The following ARHGAP6 variants were observed in gnomAD, a reference collection of about 807,000 sequenced individuals.
ARHGAP6 encodes the protein Rho GTPase activating protein 6.
ARHGAP6 carries 16 observed loss-of-function variants against 55.7 expected under a neutral mutation model. That is an observed-to-expected ratio of 0.29 (90% CI 0.19 to 0.44). The LOEUF (loss-of-function observed/expected upper bound fraction) is 0.44, where lower values mean the gene tolerates loss of function less well. Among genes scored for constraint, ARHGAP6 ranks in the 20% least tolerant of loss-of-function variants. ARHGAP6 has a pLI of 1.00. For synonymous variants in ARHGAP6, 382 were observed against 360.9 expected, an observed-to-expected ratio of 1.06 and a Z score of -0.66; for missense variants, 698 against 808.9, an observed-to-expected ratio of 0.86 and a Z score of 1.66.
chrX:11,561,976 G>A (rs1256609371), intron 1 of ARHGAP6, among the ~76,000 whole-genome samples: 1 of 112,098 alleles, frequency 8.9e-6, no homozygotes, highest in Non-Finnish European at 1.9e-5. Context: ...AAGCTGCTGG[G>A]GCAGGTGATA....
At chrX:11,242,769 T>G (rs961984415) in intron 2 of ARHGAP6, among the ~76,000 whole-genome samples, 1 of 111,930 alleles carries the variant, frequency 8.9e-6, no homozygotes, top group Non-Finnish European at 1.9e-5. Flanking sequence ...ATAAATATTC[T>G]AGGTGGTTAA....
At chrX:11,382,383 TAAATA>T (rs1280180681) in intron 1 of ARHGAP6, among the ~76,000 whole-genome samples, 1 of 111,475 alleles carries the variant, frequency 9.0e-6, no homozygotes, top group East Asian at 2.8e-4. Flanking sequence ...TAATAATAAT[TAAATA>T]AAGAGTGTTT....
At chrX:11,174,574 C>CTT (rs1413040586) in intron 8 of ARHGAP6, among the ~76,000 whole-genome samples, 590 of 43,408 alleles carry the variant, frequency 0.014, 12 homozygotes, top group Non-Finnish European at 0.019. Flanking sequence ...TCCTTCCTTC[C>CTT]TTTCTTTCTT....
In ARHGAP6 at chrX:11,584,352, C is replaced by G. The variant is rs183295181; in HGVS notation, c.588+79889G>C. 1.4e-3 allele frequency among the ~76,000 whole-genome samples: 154 copies of G among 111,957 alleles called. 1 individual carries two copies. The highest frequency in any genetic ancestry group is 4.9e-3 in the African/African-American group (152 of 30,894). On this transcript the variant is annotated intron_variant, in intron 1 of 12. Coordinates refer to ENST00000337414, the MANE Select transcript of ARHGAP6 (RefSeq NM_013427.3). ...GATTACTGTGATCAGTAATTATCATCAAATGAAAACTAATGTCAGCCACTA... is the reference window on the plus strand; with the variant it reads ...GATTACTGTGATCAGTAATTATCATGAAATGAAAACTAATGTCAGCCACTA...
At chrX:11,661,976 G>A (rs988375484) in intron 1 of ARHGAP6, among the ~76,000 whole-genome samples, 6 of 112,256 alleles carry the variant, frequency 5.3e-5, no homozygotes, top group Admixed American at 2.8e-4. Context: ...GGACAGCTCT[G>A]TAGCAAAGAA....
Position 11,537,653 on chromosome X carries a change from G to T in ARHGAP6, c.588+126588C>A, listed in dbSNP as rs762379573. On this transcript the variant is annotated intron_variant, in intron 1 of 12. Transcript: ENST00000337414. ...TTCTCTGTCAATCACTAAAGCAGTA[G>T]TTCTCATAACTTTCTGGTCTCAGGA... 6.7e-4 allele frequency among the ~76,000 whole-genome samples: 75 copies of T among 112,097 alleles called. 1 individual carries two copies. Among genetic ancestry groups the T allele is most frequent in the Non-Finnish European group, 3.0e-4 (16 of 53,249 alleles).
chrX:11,337,657 T>C (rs1403330033), intron 1 of ARHGAP6, among the ~76,000 whole-genome samples: 4 of 112,680 alleles, frequency 3.5e-5, no homozygotes, highest in East Asian at 5.5e-4. Context: ...ACAAAGTAGA[T>C]GAATACTCAG....
chrX:11,362,324 C>T (rs2049022952), intron 1 of ARHGAP6, among the ~76,000 whole-genome samples: 1 of 111,059 alleles, frequency 9.0e-6, no homozygotes, highest in African/African-American at 3.3e-5. Flanking sequence ...ACTATGCAGC[C>T]ATAAAAAATG....
intron 2 of ARHGAP6, among the ~76,000 whole-genome samples, chrX:11,245,253 C>A (rs963036298): frequency 8.9e-6 from 1 of 111,973 alleles, no homozygotes; most frequent in Non-Finnish European, 1.9e-5. Flanking sequence ...CTCCTTTTGA[C>A]ATAGTGTTGA....
chrX:11,538,936 C>T (rs1164435634), intron 1 of ARHGAP6, among the ~76,000 whole-genome samples: 2 of 108,004 alleles, frequency 1.9e-5, no homozygotes, highest in African/African-American at 6.8e-5. Flanking sequence ...TTCACTGCAA[C>T]CTCTGCCTCC....
At chrX:11,182,025 T>C (rs2046320900) in intron 6 of ARHGAP6, 38 bp downstream of exon 6, 2 of 1,120,735 alleles carry the variant, frequency 1.8e-6, no homozygotes, top group Admixed American at 4.5e-5. Context: ...CAATTGAAAG[T>C]CATGTGAAAC....
At chrX:11,389,863 G>A (rs976373322) in intron 1 of ARHGAP6, among the ~76,000 whole-genome samples, 13 of 111,646 alleles carry the variant, frequency 1.2e-4, no homozygotes, top group Admixed American at 2.8e-4. Flanking sequence ...GGAAGACAAG[G>A]AAAACTTATC....
At chrX:11,513,218 A>C (rs954102596) in intron 1 of ARHGAP6, among the ~76,000 whole-genome samples, 1 of 111,425 alleles carries the variant, frequency 9.0e-6, no homozygotes, top group African/African-American at 3.3e-5. Context: ...ACCATTACTG[A>C]AAACTCATCA....
intron 1 of ARHGAP6, among the ~76,000 whole-genome samples, chrX:11,637,970 T>C (rs2052436223): frequency 9.0e-6 from 1 of 111,363 alleles, no homozygotes; most frequent in Non-Finnish European, 1.9e-5. Flanking sequence ...TGGTCAAAGC[T>C]GAAAGAATGA....
At chrX:11,664,103 T>G (rs1354432742) in intron 1 of ARHGAP6, 138 bp downstream of exon 1, 2 of 601,343 alleles carry the variant, frequency 3.3e-6, no homozygotes, top group Admixed American at 8.1e-5. Flanking sequence ...ATTTAGCAAG[T>G]AGAAGAGGAA....
chrX:11,520,179 T>TATATATA (rs1307291101), intron 1 of ARHGAP6, among the ~76,000 whole-genome samples: 1 of 40,030 alleles, frequency 2.5e-5, no homozygotes, highest in Non-Finnish European at 5.0e-5. Flanking sequence ...ATATATATAT[T>TATATATA]ACTTTAAGTT....
intron 1 of ARHGAP6, among the ~76,000 whole-genome samples, chrX:11,304,776 ACTTTT>A (rs2147587211): frequency 4.7e-5 from 2 of 42,433 alleles, no homozygotes; most frequent in African/African-American, 2.0e-4. Context: ...TCTTTCTTTT[ACTTTT>A]TTTTTTTTTT....
intron 1 of ARHGAP6, among the ~76,000 whole-genome samples, chrX:11,516,127 T>A (rs1480365348): frequency 8.9e-6 from 1 of 112,894 alleles, no homozygotes; most frequent in East Asian, 2.7e-4. Flanking sequence ...TGAGCACTTA[T>A]TATATCTCTG....
At chrX:11,553,667 C>T (rs1462617675) in intron 1 of ARHGAP6, among the ~76,000 whole-genome samples, 8 of 111,735 alleles carry the variant, frequency 7.2e-5, no homozygotes, top group African/African-American at 2.3e-4. Context: ...TTTACTAAAG[C>T]GATAATGGCT....
Sources: allele counts gnomAD v4.1 joint callset (sites outside exome capture counted in the v4.1 genomes callset), GRCh38; gene constraint gnomAD v4.1.1; transcripts MANE v1.5; gene names NCBI Gene and HGNC (gene_info 2026-07-23, HGNC 2026-07-21).